Variants in ZFAND3 observed in about 807,000 individuals in gnomAD.
The protein encoded by ZFAND3 is zinc finger AN1-type containing 3.
ZFAND3 carries 10 observed loss-of-function variants against 29.6 expected under a neutral mutation model. That is an observed-to-expected ratio of 0.34 (90% CI 0.21 to 0.57). The LOEUF is 0.57. Ranked by LOEUF, ZFAND3 falls within the 20% of genes least tolerant of loss-of-function variation. ZFAND3 has a pLI of 0.86. For missense variants in ZFAND3, 230 were observed against 304.5 expected (o/e 0.76, Z 1.82); for synonymous variants, 128 against 112.6 (o/e 1.14, Z -0.87).
At chr6:37,869,134 A>G (rs1262533227) in intron 1 of ZFAND3, among the ~76,000 whole-genome samples, 4 of 152,126 alleles carry the variant, frequency 2.6e-5, no homozygotes, top group African/African-American at 9.7e-5. Context: ...ATTTAATAAT[A>G]TATGTATGGT....
chr6:38,120,184 G>T (rs1457309466), intron 5 of ZFAND3, among the ~76,000 whole-genome samples: 1 of 152,042 alleles, frequency 6.6e-6, no homozygotes, highest in East Asian at 1.9e-4. Context: ...CATTGCAGGA[G>T]TCTTGTCTCC....
chr6:38,035,359 C>A (rs141502200), intron 2 of ZFAND3, among the ~76,000 whole-genome samples: 3 of 152,252 alleles, frequency 2.0e-5, no homozygotes, highest in African/African-American at 7.2e-5. Flanking sequence ...GGGTTCCCTC[C>A]TTATGCTGCT....
chr6:37,865,653 T>G (rs190491744), intron 1 of ZFAND3, among the ~76,000 whole-genome samples: 1 of 152,262 alleles, frequency 6.6e-6, no homozygotes, highest in East Asian at 1.9e-4. Context: ...TTTGAACAGT[T>G]TGGGTGGACA....
intron 4 of ZFAND3, among the ~76,000 whole-genome samples, chr6:38,085,561 T>C (rs1240676172): frequency 1.3e-5 from 2 of 152,204 alleles, no homozygotes; most frequent in Non-Finnish European, 2.9e-5. Context: ...AAATTCACTT[T>C]ATTATATGTG....
chr6:37,831,738 A>G (rs1003533756), intron 1 of ZFAND3, among the ~76,000 whole-genome samples: 3 of 152,210 alleles, frequency 2.0e-5, no homozygotes, highest in Admixed American at 1.3e-4. Flanking sequence ...ACAGAGAGGC[A>G]CAGAGGAATG....
intron 1 of ZFAND3, among the ~76,000 whole-genome samples, chr6:37,911,083 C>T (rs573980095): frequency 2.7e-4 from 41 of 152,302 alleles, no homozygotes; most frequent in African/African-American, 9.1e-4. Context: ...TGGCTCAATT[C>T]CACTGGTAGT....
At chr6:37,824,217 T>G (rs1763718829) in intron 1 of ZFAND3, among the ~76,000 whole-genome samples, 1 of 151,998 alleles carries the variant, frequency 6.6e-6, no homozygotes. Flanking sequence ...TTGTTGATAA[T>G]TGTTGTATCT....
chr6:37,860,227 A>ATCAG (rs960526127), intron 1 of ZFAND3, among the ~76,000 whole-genome samples: 3 of 143,294 alleles, frequency 2.1e-5, no homozygotes, highest in South Asian at 2.2e-4. Context: ...AAAGGACCTG[A>ATCAG]GGTAAGAAGT....
chr6:37,939,291 T>A (rs968200566), intron 2 of ZFAND3, among the ~76,000 whole-genome samples: 3 of 152,224 alleles, frequency 2.0e-5, no homozygotes, highest in African/African-American at 4.8e-5. Context: ...TGTTTCTGGC[T>A]TGTCAATAGT....
chr6:38,087,081 A>G (rs1446813480), intron 4 of ZFAND3, among the ~76,000 whole-genome samples: 5 of 152,220 alleles, frequency 3.3e-5, no homozygotes, highest in Non-Finnish European at 2.9e-5. Context: ...AAGAACATAT[A>G]CTAGAGAAAA....
intron 2 of ZFAND3, among the ~76,000 whole-genome samples, chr6:38,012,497 G>A (rs1763174346): frequency 6.6e-6 from 1 of 151,200 alleles, no homozygotes. Context: ...TTCTGCCTCA[G>A]CTTCCCGAGT....
At chr6:38,066,350 A>C (rs1375379595) in intron 3 of ZFAND3, among the ~76,000 whole-genome samples, 1 of 152,200 alleles carries the variant, frequency 6.6e-6, no homozygotes, top group Non-Finnish European at 1.5e-5. Flanking sequence ...GTGATCTACC[A>C]AGGTGACAAA....
chr6:37,858,297 A>T (rs1008102834), intron 1 of ZFAND3, among the ~76,000 whole-genome samples: 1 of 152,106 alleles, frequency 6.6e-6, no homozygotes, highest in Non-Finnish European at 1.5e-5. Context: ...ACTTCTTGGG[A>T]CACTTTTCCT....
intron 2 of ZFAND3, among the ~76,000 whole-genome samples, chr6:37,985,197 C>T (rs1762645101): frequency 6.6e-6 from 1 of 152,114 alleles, no homozygotes; most frequent in African/African-American, 2.4e-5. Context: ...GTGGCATGTG[C>T]CTGTAGTCAC....
Position 38,127,707 on chromosome 6 carries a change from TTAAA to T in ZFAND3, c.529+10974_529+10977del, listed in dbSNP as rs1253444801. Reference sequence around the variant, plus strand: ...TTAGTCTCATCTCTTTTTTTTTTTTTTAAATAAATGAGAAAACCAAGATCGAAAA... The same window carrying T: ...TTAGTCTCATCTCTTTTTTTTTTTTTTAAATGAGAAAACCAAGATCGAAAA... On this transcript the variant is annotated intron_variant, in intron 5 of 5. Coordinates refer to ENST00000287218, the MANE Select transcript of ZFAND3 (RefSeq NM_021943.3). Among the ~76,000 whole-genome samples, 4 of 152,212 alleles carry T rather than the reference TTAAA, an allele frequency of 2.6e-5. No homozygotes were observed. In the East Asian group the frequency reaches 7.7e-4, roughly 29 times the overall value.
At chr6:38,032,566 A>G (rs570917154) in intron 2 of ZFAND3, among the ~76,000 whole-genome samples, 44 of 152,254 alleles carry the variant, frequency 2.9e-4, no homozygotes, top group Non-Finnish European at 5.7e-4. Context: ...CTTAAAATGT[A>G]CTGAAGAACT....
intron 2 of ZFAND3, among the ~76,000 whole-genome samples, chr6:37,994,722 G>A (rs1327910890): frequency 6.6e-6 from 1 of 152,182 alleles, no homozygotes; most frequent in East Asian, 1.9e-4. Context: ...GGATTAAGCA[G>A]TTTGTTTTAT....
chr6:38,097,484 G>A (rs1379551000), intron 4 of ZFAND3, among the ~76,000 whole-genome samples: 1 of 152,100 alleles, frequency 6.6e-6, no homozygotes, highest in Admixed American at 6.5e-5. Flanking sequence ...GGCAGAATTA[G>A]TGGTAAGGAG....
chr6:38,067,935 G>C (rs1764378082), intron 3 of ZFAND3, among the ~76,000 whole-genome samples: 1 of 152,160 alleles, frequency 6.6e-6, no homozygotes, highest in African/African-American at 2.4e-5. Flanking sequence ...TGGAAATGGA[G>C]GTGTTTGGGG....
Sources: gnomAD v4.1 joint callset for allele counts (sites outside exome capture counted in the v4.1 genomes callset) on GRCh38, gnomAD v4.1.1 for gene constraint, MANE v1.5 for transcripts, NCBI Gene and HGNC (gene_info 2026-07-23, HGNC 2026-07-21) for gene names.